TRIO: variants seen among roughly 807,000 people sequenced by gnomAD.
TRIO encodes the protein trio Rho guanine nucleotide exchange factor.
Under a neutral mutation model 351.9 loss-of-function variants are expected in TRIO, and 58 were observed. The observed-to-expected ratio is 0.16, with a 90% CI of 0.13 to 0.21. The LOEUF (loss-of-function observed/expected upper bound fraction) is 0.21. Ranked by LOEUF, TRIO falls within the 10% of genes least tolerant of loss-of-function variation. TRIO has a pLI of 1.00. For synonymous variants in TRIO, 1,758 were observed against 1,595.7 expected, an observed-to-expected ratio of 1.10 and a Z score of -2.42; for missense variants, 3,201 against 4,027.8, an observed-to-expected ratio of 0.79 and a Z score of 5.56.
At chr5:14,177,098 C>T (rs929860248) in intron 1 of TRIO, among the ~76,000 whole-genome samples, 8 of 152,158 alleles carry the variant, frequency 5.3e-5, no homozygotes, top group Admixed American at 1.3e-4. Context: ...GAGGTTTGAG[C>T]GCCCAGGGCA....
chr5:14,309,782 A>G lies in TRIO; in HGVS notation c.1500+5190A>G, dbSNP rs941662603. On this transcript the variant is annotated intron_variant, in intron 8 of 56. Transcript: ENST00000344204. ...GGGTCATGTGGGGTTAGGAGTACTT[A>G]TAAGCAGGGCTTGCTTTGCTTTTTT... Among the ~76,000 whole-genome samples the G allele has an allele frequency of 3.9e-5, 6 of 152,318 alleles. No individual in the cohort carries two copies. In the East Asian group the frequency reaches 1.2e-3, roughly 29 times the overall value.
rs756038170 is a variant in TRIO, at chr5:14,473,999, C to T, written c.5985C>T (p.Tyr1995=). The part of the protein sequence containing the change: ...VRDLGYVVEG[Y]MALMKEDGVP... ...TCATAACTGTTTAATTGTAGGGCTA[C>T]ATGGCACTTATGAAAGAAGATGGTG... is the stretch of plus-strand genomic sequence containing the variant. Residue 1995 remains tyrosine, a synonymous_variant, in exon 40 of 57, where the codon TAC becomes TAT. Coordinates refer to ENST00000344204, the MANE Select transcript of TRIO (RefSeq NM_007118.4). The T allele has an allele frequency of 1.1e-5, 17 of 1,612,498 alleles. 1 individual carries two copies. The South Asian group carries it at 1.9e-4, about 18-fold the overall frequency.
intron 42 of TRIO, among the ~76,000 whole-genome samples, 185 bp downstream of exon 42, chr5:14,479,535 G>A (rs150241502): frequency 5.5e-4 from 84 of 152,064 alleles, no homozygotes; most frequent in African/African-American, 2.0e-3. Flanking sequence ...TTAGTCTGTG[G>A]TCATACCCCT....
chr5:14,193,581 A>G (rs1790575934), intron 1 of TRIO, among the ~76,000 whole-genome samples: 1 of 152,214 alleles, frequency 6.6e-6, no homozygotes, highest in Non-Finnish European at 1.5e-5. Flanking sequence ...TCTTAGGGTC[A>G]AAAACAAGGG....
At chr5:14,268,998 T>C (rs1231924827) in intron 1 of TRIO, among the ~76,000 whole-genome samples, 2 of 152,222 alleles carry the variant, frequency 1.3e-5, no homozygotes, top group Middle Eastern at 3.2e-3. Context: ...TCAGATGTTT[T>C]GCCTTTTATA....
At chr5:14,174,474 C>T (rs1284862794) in intron 1 of TRIO, among the ~76,000 whole-genome samples, 2 of 152,198 alleles carry the variant, frequency 1.3e-5, no homozygotes, top group East Asian at 1.9e-4. Flanking sequence ...AGTCAACTTC[C>T]TCTCACCTTC....
At chr5:14,346,747 G>A (rs1315340659) in intron 11 of TRIO, among the ~76,000 whole-genome samples, 1 of 152,218 alleles carries the variant, frequency 6.6e-6, no homozygotes, top group Non-Finnish European at 1.5e-5. Context: ...CATTTAATTT[G>A]TAGACAAGAA....
At chr5:14,317,318 G>C (rs529195884) in intron 9 of TRIO, among the ~76,000 whole-genome samples, 1 of 152,172 alleles carries the variant, frequency 6.6e-6, no homozygotes, top group Non-Finnish European at 1.5e-5. Context: ...GAGTTTTAAG[G>C]ATTAAAGCTA....
chr5:14,186,360 A>G (rs1790110748), intron 1 of TRIO, among the ~76,000 whole-genome samples: 1 of 152,182 alleles, frequency 6.6e-6, no homozygotes, highest in Non-Finnish European at 1.5e-5. Context: ...ACATGCTTCA[A>G]GATAGTTTTT....
intron 1 of TRIO, among the ~76,000 whole-genome samples, chr5:14,248,187 G>A (rs1581441263): frequency 6.6e-6 from 1 of 152,224 alleles, no homozygotes; most frequent in Non-Finnish European, 1.5e-5. Context: ...AAATCATAGA[G>A]TTAGAACTTG....
chr5:14,290,635 G>A, intron 4 of TRIO, 81 bp from the exon 5 acceptor site: 3 of 1,403,888 alleles, frequency 2.1e-6, no homozygotes, highest in Non-Finnish European at 2.9e-6. Flanking sequence ...GAAAACCTGT[G>A]ACTGAGCATT....
At chr5:14,257,330 C>T (rs745389894) in intron 1 of TRIO, among the ~76,000 whole-genome samples, 2 of 152,122 alleles carry the variant, frequency 1.3e-5, no homozygotes, top group Admixed American at 6.5e-5. Context: ...TTAAGGGAGA[C>T]ACGGAATTCT....
chr5:14,440,664 T>C (rs1465002721), intron 34 of TRIO, among the ~76,000 whole-genome samples: 1 of 152,204 alleles, frequency 6.6e-6, no homozygotes, highest in East Asian at 1.9e-4. Context: ...TACAGCACAG[T>C]GATGTAACCA....
In TRIO at chr5:14,390,891, TG is replaced by T; in HGVS notation, c.4129-8del. 1.3e-6 allele frequency: 2 copies of T among 1,584,156 alleles called. No homozygotes were observed. Among genetic ancestry groups the T allele is most frequent in the Admixed American group, 1.9e-5 (1 of 51,642 alleles). Reference sequence around the variant, plus strand: ...GATTTAAATGAGATCTTTTTTTTTTTGGCTTACAGGCAGACAAGTTTCAGAT... The same window carrying T: ...GATTTAAATGAGATCTTTTTTTTTTTGCTTACAGGCAGACAAGTTTCAGAT... On this transcript the variant is annotated splice_polypyrimidine_tract_variant and intron_variant, in intron 26 of 56. Transcript: ENST00000344204.
At chr5:14,198,231 A>C (rs934285522) in intron 1 of TRIO, among the ~76,000 whole-genome samples, 2 of 152,200 alleles carry the variant, frequency 1.3e-5, no homozygotes, top group African/African-American at 4.8e-5. Flanking sequence ...AAATTGGTTT[A>C]TACTGTACAT....
Position 14,462,674 on chromosome 5 carries a change from A to G in TRIO, c.5497-81A>G, listed in dbSNP as rs1429067288. 3 of 1,569,896 alleles carry G rather than the reference A, an allele frequency of 1.9e-6. No homozygotes were observed. In the Admixed American group the frequency reaches 5.4e-5, roughly 28 times the overall value. On this transcript the variant is annotated intron_variant, in intron 35 of 56. Coordinates refer to ENST00000344204, the MANE Select transcript of TRIO (RefSeq NM_007118.4). ...TTCTGCCATCCCAGTCTCTGTCCCCACCTTGCTTCTCCAAGTAACCCTTGG... is the reference window on the plus strand; with the variant it reads ...TTCTGCCATCCCAGTCTCTGTCCCCGCCTTGCTTCTCCAAGTAACCCTTGG...
chr5:14,351,294 G>A (rs1743073736), intron 11 of TRIO, among the ~76,000 whole-genome samples: 1 of 152,216 alleles, frequency 6.6e-6, no homozygotes, highest in African/African-American at 2.4e-5. Context: ...ACGTGGATGA[G>A]GCAGTTCTGT....
At chr5:14,488,820 G>A (rs949680022) in intron 48 of TRIO, 7 of 655,866 alleles carry the variant, frequency 1.1e-5, no homozygotes, top group African/African-American at 5.4e-5. Flanking sequence ...AACGCTTTAC[G>A]TCACCGTGTT....
At chr5:14,174,749 T>C (rs1789305586) in intron 1 of TRIO, among the ~76,000 whole-genome samples, 1 of 152,208 alleles carries the variant, frequency 6.6e-6, no homozygotes, top group African/African-American at 2.4e-5. Context: ...GAGTCAGGGA[T>C]TTTAGTCTAC....
Sources: gnomAD v4.1 joint callset for allele counts (sites outside exome capture counted in the v4.1 genomes callset) on GRCh38, gnomAD v4.1.1 for gene constraint, MANE v1.5 for transcripts, NCBI Gene and HGNC (gene_info 2026-07-23, HGNC 2026-07-21) for gene names.